Variants in USP2 observed in about 807,000 individuals in gnomAD.
USP2 encodes the protein ubiquitin carboxyl-terminal hydrolase 2.
USP2 carries 33 observed loss-of-function variants against 72.0 expected under a neutral mutation model. The observed-to-expected ratio is 0.46, with a 90% CI of 0.35 to 0.61. The LOEUF is 0.61. Ranked by LOEUF, USP2 falls within the 20% of genes least tolerant of loss-of-function variation. USP2 has a pLI of 0.01. For missense variants in USP2, 691 were observed against 797.8 expected, an observed-to-expected ratio of 0.87 and a Z score of 1.61; for synonymous variants, 296 against 312.5, an observed-to-expected ratio of 0.95 and a Z score of 0.56.
intron 2 of USP2, among the ~76,000 whole-genome samples, chr11:119,365,024 G>A (rs1292783703): frequency 2.6e-5 from 4 of 152,236 alleles, no homozygotes. Context: ...GCACAGCCAT[G>A]CTGGAAGATC....
chr11:119,359,285 G>A lies in USP2; in HGVS notation c.1007C>T (p.Pro336Leu). ...CTGGATCTGGGTCTTGAACTCAGATGGGCTCACCACATCATTGGGGGATGA... is the reference window on the plus strand; with the variant it reads ...CTGGATCTGGGTCTTGAACTCAGATAGGCTCACCACATCATTGGGGGATGA... ...WTSSPNDVVS[P>L]SEFKTQIQRY... Residue 336 changes from proline (P) to leucine (L), a missense_variant, in exon 5 of 13, where the codon CCA (proline) becomes CTA (leucine). Coordinates refer to ENST00000260187, the MANE Select transcript of USP2 (RefSeq NM_004205.5). The A allele has an allele frequency of 6.2e-7, 1 of 1,613,954 alleles. No homozygotes were observed. Among genetic ancestry groups the A allele is most frequent in the Non-Finnish European group, 8.5e-7 (1 of 1,179,998 alleles).
chr11:119,365,453 C>T (rs1026479895), intron 2 of USP2, among the ~76,000 whole-genome samples: 5 of 152,200 alleles, frequency 3.3e-5, no homozygotes, highest in African/African-American at 1.2e-4. Flanking sequence ...TGAGAGTGGG[C>T]ATGTGAGGAG....
intron 2 of USP2, among the ~76,000 whole-genome samples, chr11:119,364,545 A>G (rs1010222468): frequency 6.6e-6 from 1 of 152,228 alleles, no homozygotes; most frequent in Non-Finnish European, 1.5e-5. Flanking sequence ...GCTTCCCCCA[A>G]GGCACCATTA....
rs1341299176 is a variant in USP2 at position 119,357,214 on chromosome 11, C to T, written c.1703G>A (p.Gly568Glu). ...GGAGTCGTTGAAAGTGTGCCATTCT[C>T]CTGTCCCTGGACTGCGACAGTAGGC... ...YTAYCRSPGT[G>E]EWHTFNDSSV... Residue 568 changes from glycine (G) to glutamate (E), a missense_variant, in exon 12 of 13, where the codon GGA becomes GAA. Physicochemically the swap from Gly to Glu is moderately conservative, Grantham distance 98 (BLOSUM62 -2). Coordinates refer to ENST00000260187, the MANE Select transcript of USP2 (RefSeq NM_004205.5). 1 of 1,613,800 alleles carries T rather than the reference C, an allele frequency of 6.2e-7. No individual in the cohort carries two copies.
At chr11:119,377,999 G>A (rs614192) in intron 1 of USP2, among the ~76,000 whole-genome samples, 131,579 of 151,992 alleles carry the variant, frequency 0.87, 56,970 homozygotes, top group East Asian at 0.91. Context: ...TCAGAAGCAC[G>A]CCTAAACAGG....
At chr11:119,375,861 GT>G (rs1950994003) in intron 1 of USP2, among the ~76,000 whole-genome samples, 2 of 152,212 alleles carry the variant, frequency 1.3e-5, no homozygotes, top group South Asian at 4.1e-4. Flanking sequence ...GCCAAACGAG[GT>G]CCAGAGGACA....
chr11:119,359,032 A>G lies in USP2; in HGVS notation c.1164T>C (p.Asp388=). The change falls in exon 6 of 13, where the codon GAT becomes GAC. Residue 388 remains aspartate (D), a synonymous_variant. Transcript: ENST00000260187. Reference sequence around the variant, plus strand: ...ATTCTCCTCTTACTTACGGAAGATGATCGAGGTTCTCAGGGTTGGACTTAG... The same window carrying G: ...ATTCTCCTCTTACTTACGGAAGATGGTCGAGGTTCTCAGGGTTGGACTTAG... ...LRPKSNPENL[D]HLPDDEKGRQ... is the part of the protein sequence containing the mutation. The G allele has an allele frequency of 6.2e-7, 1 of 1,614,074 alleles. No individual in the cohort carries two copies. The highest frequency in any genetic ancestry group is 1.6e-4 in the Middle Eastern group (1 of 6,062).
At chr11:119,357,927 T>C in intron 9 of USP2, 54 bp downstream of exon 9, 35 of 1,613,634 alleles carry the variant, frequency 2.2e-5, no homozygotes, top group Non-Finnish European at 2.9e-5. Context: ...TATCAGCCTC[T>C]TCCCAGTAGG....
intron 2 of USP2, chr11:119,363,863 G>T: frequency 7.2e-7 from 1 of 1,396,796 alleles, no homozygotes; most frequent in Non-Finnish European, 9.4e-7. Context: ...GCTTTGTTGA[G>T]CAGGAGCCCC....
intron 1 of USP2, among the ~76,000 whole-genome samples, chr11:119,379,917 C>CTTTTTTTTTTTTT: frequency 8.6e-6 from 1 of 116,548 alleles, no homozygotes; most frequent in Non-Finnish European, 1.7e-5. Flanking sequence ...GTTCCTTTCT[C>CTTTTTTTTTTTTT]TTTTTTTTTT....
intron 6 of USP2, 63 bp downstream of exon 6, chr11:119,358,961 G>T: frequency 1.3e-6 from 2 of 1,583,524 alleles, no homozygotes; most frequent in Admixed American, 1.7e-5. Context: ...ACCCCAAAGT[G>T]GTGGGTAAAA....
chr11:119,370,891 T>C (rs759716668), intron 2 of USP2, among the ~76,000 whole-genome samples: 2 of 151,770 alleles, frequency 1.3e-5, no homozygotes, highest in Non-Finnish European at 2.9e-5. Flanking sequence ...TTCTGGAGAG[T>C]TGGAGGGCGG....
chr11:119,367,036 C>T lies in USP2; in HGVS notation c.774+5671G>A, dbSNP rs138094362. ...AAGCAGGTCCGACTGCTGCAGGACA[C>T]GGCCACAAAGGACCTTGGCTCATCT... On this transcript the variant is annotated intron_variant, in intron 2 of 12. Transcript: ENST00000260187. Among the ~76,000 whole-genome samples, 1,443 of 152,294 alleles carry T rather than the reference C, an allele frequency of 9.5e-3. 10 individuals carry two copies. Among genetic ancestry groups the T allele is most frequent in the Non-Finnish European group, 0.014 (978 of 68,022 alleles).
chr11:119,363,849 C>A, intron 2 of USP2: 1 of 1,325,496 alleles, frequency 7.5e-7, no homozygotes. Flanking sequence ...GCCCGCGTAC[C>A]TTGGCTTTGT....
chr11:119,368,006 C>T (rs759480486), intron 2 of USP2, among the ~76,000 whole-genome samples: 3 of 152,098 alleles, frequency 2.0e-5, no homozygotes, highest in Admixed American at 6.5e-5. Flanking sequence ...TGCTGGGCAC[C>T]GATTGAGAAA....
intron 7 of USP2, 87 bp from the exon 8 acceptor site, chr11:119,358,339 T>C: frequency 1.6e-6 from 2 of 1,280,058 alleles, no homozygotes; most frequent in South Asian, 2.5e-5. Context: ...TTTTTTGAGA[T>C]GGAGTTTTGC....
At chr11:119,369,630 G>T (rs1203822366) in intron 2 of USP2, among the ~76,000 whole-genome samples, 3 of 152,012 alleles carry the variant, frequency 2.0e-5, no homozygotes, top group South Asian at 4.2e-4. Context: ...GCATTTTATT[G>T]ATTTCACATT....
In USP2 at chr11:119,359,041, C is replaced by A; in HGVS notation, c.1155G>T (p.Glu385Asp). The change falls in exon 6 of 13, where the codon GAG becomes GAT. Residue 385 changes from glutamate (E) to aspartate (D), a missense_variant. Physicochemically the swap from Glu to Asp is conservative, Grantham distance 45 (BLOSUM62 2). Transcript: ENST00000260187. ...TTACTTACGGAAGATGATCGAGGTT[C>A]TCAGGGTTGGACTTAGGTCTCAGTG... ...RVTLRPKSNP[E>D]NLDHLPDDEK... 1 of 1,614,110 alleles carries A rather than the reference C, an allele frequency of 6.2e-7. No homozygotes were observed. The highest frequency in any genetic ancestry group is 1.1e-5 in the South Asian group (1 of 91,082).
intron 9 of USP2, 24 bp from the exon 10 acceptor site, chr11:119,357,859 G>T (rs752940333): frequency 1.2e-6 from 2 of 1,613,958 alleles, no homozygotes; most frequent in Non-Finnish European, 1.7e-6. Context: ...CAAACAGAAA[G>T]AACTTGTGGG....
Sources: gnomAD v4.1 joint callset for allele counts (sites outside exome capture counted in the v4.1 genomes callset) on GRCh38, gnomAD v4.1.1 for gene constraint, MANE v1.5 for transcripts, NCBI Gene and HGNC (gene_info 2026-07-23, HGNC 2026-07-21) for gene names.